Variants in ADARB2 observed in about 807,000 individuals in gnomAD.
The protein encoded by ADARB2 is adenosine deaminase RNA specific B2 (inactive).
ADARB2 carries 25 observed loss-of-function variants against 62.2 expected under a neutral mutation model. That is an observed-to-expected ratio of 0.40 (90% CI 0.29 to 0.56). The LOEUF is 0.56. ADARB2 is among the 20% of genes least tolerant of loss of function. The pLI is 0.43. For synonymous variants in ADARB2, 572 were observed against 500.8 expected (o/e 1.14, Z -1.90); for missense variants, 1,071 against 1,077.4 (o/e 0.99, Z 0.08).
chr10:1,521,995 T>A (rs1020861266), intron 1 of ADARB2, among the ~76,000 whole-genome samples: 8 of 152,196 alleles, frequency 5.3e-5, no homozygotes, highest in African/African-American at 1.9e-4. Context: ...AATAAATCTC[T>A]TCAAATATTT....
rs1355802501 is a variant in ADARB2, at chr10:1,566,108, A to G, written c.100+170943T>C. On this transcript the variant is annotated intron_variant, in intron 1 of 9. Transcript: ENST00000381312. ...AAAAAAAAAAAAAAAAAAAAAAAAAAAACTCCCCTGTGTACAGTGAGTGTG... is the reference window on the plus strand; with the variant it reads ...AAAAAAAAAAAAAAAAAAAAAAAAAGAACTCCCCTGTGTACAGTGAGTGTG... Among the ~76,000 whole-genome samples the G allele has an allele frequency of 3.4e-5, 4 of 118,544 alleles. 1 individual carries two copies. Among genetic ancestry groups the G allele is most frequent in the African/African-American group, 6.0e-5 (2 of 33,244 alleles). 77.8% of individuals were successfully genotyped at this position (118,544 alleles called of 152,430 possible).
Position 1,662,415 on chromosome 10 carries a change from G to A in ADARB2, c.100+74636C>T, listed in dbSNP as rs151125149. Among the ~76,000 whole-genome samples, 1,347 of 152,170 alleles carry A rather than the reference G, an allele frequency of 8.9e-3. 16 individuals carry two copies. The highest frequency in any genetic ancestry group is 0.044 in the East Asian group (226 of 5,144). ...GGAGCCCCCTGCAGAGCTTCCCCAT[G>A]GACCCCTTCCCCCACCCAGAGCCTG... On this transcript the variant is annotated intron_variant, in intron 1 of 9. Coordinates refer to ENST00000381312, the MANE Select transcript of ADARB2 (RefSeq NM_018702.4).
chr10:1,626,583 G>A (rs773546988), intron 1 of ADARB2, among the ~76,000 whole-genome samples: 3 of 152,126 alleles, frequency 2.0e-5, no homozygotes, highest in Non-Finnish European at 2.9e-5. Flanking sequence ...CAGGCCATCC[G>A]TGAGGCAGAC....
intron 1 of ADARB2, among the ~76,000 whole-genome samples, chr10:1,459,768 A>G (rs1255982215): frequency 6.6e-6 from 1 of 152,236 alleles, no homozygotes; most frequent in Admixed American, 6.5e-5. Flanking sequence ...TCTCAAAAAA[A>G]AAGAATGATG....
intron 1 of ADARB2, among the ~76,000 whole-genome samples, chr10:1,401,899 G>C (rs1564280244): frequency 6.6e-6 from 1 of 152,184 alleles, no homozygotes; most frequent in Non-Finnish European, 1.5e-5. Flanking sequence ...CTTGTGGAGG[G>C]CTGAGTTCTA....
chr10:1,257,753 G>A lies in ADARB2; in HGVS notation c.1192+13202C>T, dbSNP rs567875847. ...GTGTGAATTACCCCCAGGTTCCAACGTGGATGTGTCTGGAACAGCACCAAA... is the reference window on the plus strand; with the variant it reads ...GTGTGAATTACCCCCAGGTTCCAACATGGATGTGTCTGGAACAGCACCAAA... On this transcript the variant is annotated intron_variant, in intron 4 of 9. Coordinates refer to ENST00000381312, the MANE Select transcript of ADARB2 (RefSeq NM_018702.4). Among the ~76,000 whole-genome samples, 3 of 152,352 alleles carry A rather than the reference G, an allele frequency of 2.0e-5. No individual in the cohort carries two copies. In the East Asian group the frequency reaches 5.8e-4, roughly 29 times the overall value.
At chr10:1,700,166 C>T (rs1417065146) in intron 1 of ADARB2, among the ~76,000 whole-genome samples, 23 of 10,822 alleles carry the variant, frequency 2.1e-3, no homozygotes, top group African/African-American at 3.9e-3. Flanking sequence ...CAGGCACTCG[C>T]CAACACACAC....
chr10:1,733,949 T>C (rs1206968975), intron 1 of ADARB2, among the ~76,000 whole-genome samples: 1 of 109,590 alleles, frequency 9.1e-6, no homozygotes, highest in Non-Finnish European at 2.1e-5. Flanking sequence ...TCATGGGATA[T>C]GAACGTTGCT....
chr10:1,294,005 T>C (rs780759101), intron 3 of ADARB2, among the ~76,000 whole-genome samples: 1 of 152,180 alleles, frequency 6.6e-6, no homozygotes, highest in Non-Finnish European at 1.5e-5. Flanking sequence ...GTTGGTCATC[T>C]GGAAGTGCAA....
intron 1 of ADARB2, among the ~76,000 whole-genome samples, chr10:1,516,340 A>G (rs982032548): frequency 1.3e-5 from 2 of 152,156 alleles, no homozygotes; most frequent in African/African-American, 4.8e-5. Flanking sequence ...CATGGGTGCA[A>G]CAGAGGCGGC....
At chr10:1,655,290 C>T (rs1050917296) in intron 1 of ADARB2, among the ~76,000 whole-genome samples, 13 of 152,180 alleles carry the variant, frequency 8.5e-5, no homozygotes, top group Non-Finnish European at 1.9e-4. Context: ...CTGTGGAAAG[C>T]GGGTGCCCAC....
chr10:1,497,603 A>G (rs1013230559), intron 1 of ADARB2, among the ~76,000 whole-genome samples: 1 of 152,218 alleles, frequency 6.6e-6, no homozygotes, highest in Non-Finnish European at 1.5e-5. Context: ...TTACATATAT[A>G]TGTACACACA....
At chr10:1,587,314 AG>A (rs1833194165) in intron 1 of ADARB2, among the ~76,000 whole-genome samples, 3 of 152,206 alleles carry the variant, frequency 2.0e-5, no homozygotes, top group African/African-American at 7.2e-5. Flanking sequence ...AGAGACCCTC[AG>A]GGGTTCCTCC....
intron 4 of ADARB2, among the ~76,000 whole-genome samples, chr10:1,244,559 C>G (rs1035239717): frequency 1.3e-5 from 2 of 152,218 alleles, no homozygotes; most frequent in Non-Finnish European, 2.9e-5. Context: ...AATTACGTGG[C>G]CCAAGAAGTG....
intron 1 of ADARB2, among the ~76,000 whole-genome samples, chr10:1,614,979 G>C (rs1249539998): frequency 1.3e-5 from 2 of 152,082 alleles, no homozygotes; most frequent in African/African-American, 4.8e-5. Flanking sequence ...GGGGTTTATG[G>C]CTCTTTCTTC....
intron 6 of ADARB2, among the ~76,000 whole-genome samples, chr10:1,228,177 T>G (rs1830765261): frequency 6.6e-6 from 1 of 152,250 alleles, no homozygotes; most frequent in African/African-American, 2.4e-5. Context: ...TCATAGCATG[T>G]ACTTGTAGGT....
At chr10:1,634,942 T>A (rs1332130576) in intron 1 of ADARB2, among the ~76,000 whole-genome samples, 1 of 152,260 alleles carries the variant, frequency 6.6e-6, no homozygotes, top group African/African-American at 2.4e-5. Flanking sequence ...TGGTCACAGC[T>A]GGATGTGGTT....
chr10:1,200,298 C>T (rs1336597652), intron 7 of ADARB2, 151 bp from the exon 8 acceptor site: 29 of 970,614 alleles, frequency 3.0e-5, no homozygotes, highest in Non-Finnish European at 4.4e-5. Flanking sequence ...CAGACCCAAC[C>T]CAGCCATCAC....
rs1018772472 is a variant in ADARB2, at chr10:1,502,177, C to G, written c.101-123017G>C. ...GCTTTCACAGCGAAAGGAGACTTCT[C>G]GTTCACCAGCCTCAGTGGGGGCCCG... On this transcript the variant is annotated intron_variant, in intron 1 of 9. Transcript: ENST00000381312. Among the ~76,000 whole-genome samples the G allele has an allele frequency of 7.9e-5, 12 of 152,368 alleles. No homozygotes were observed. In the East Asian group the frequency reaches 2.3e-3, roughly 29 times the overall value.
Sources: gnomAD v4.1 joint callset for allele counts (sites outside exome capture counted in the v4.1 genomes callset) on GRCh38, gnomAD v4.1.1 for gene constraint, MANE v1.5 for transcripts, NCBI Gene and HGNC (gene_info 2026-07-23, HGNC 2026-07-21) for gene names.